LRBA: variants seen among roughly 807,000 people sequenced by gnomAD.
LRBA encodes the protein lipopolysaccharide-responsive and beige-like anchor protein.
LRBA carries 176 observed loss-of-function variants against 330.0 expected under a neutral mutation model. That is an observed-to-expected ratio of 0.53 (90% confidence interval 0.47 to 0.60). The LOEUF (loss-of-function observed/expected upper bound fraction) is 0.60. Ranked by LOEUF, LRBA falls within the 20% of genes least tolerant of loss-of-function variation. The probability of loss-of-function intolerance (pLI) is 0.00; values close to 1 mark genes in which losing one functional copy is unlikely to be tolerated. For synonymous variants in LRBA, 1,230 were observed against 1,193.0 expected (o/e 1.03, Z -0.64); for missense variants, 3,259 against 3,444.8 (o/e 0.95, Z 1.35).
intron 2 of LRBA, among the ~76,000 whole-genome samples, chr4:150,934,111 A>T: frequency 6.6e-6 from 1 of 152,236 alleles, no homozygotes. Context: ...TATTAATACA[A>T]ACGTTTGGGA....
intron 47 of LRBA, among the ~76,000 whole-genome samples, chr4:150,403,069 A>ACTT (rs1258924860): frequency 6.6e-6 from 1 of 152,250 alleles, no homozygotes; most frequent in Non-Finnish European, 1.5e-5. Flanking sequence ...GCAGTCATTT[A>ACTT]TCGGGTAACC....
At chr4:150,933,985 C>A (rs1307775712) in intron 2 of LRBA, among the ~76,000 whole-genome samples, 1 of 151,728 alleles carries the variant, frequency 6.6e-6, no homozygotes, top group Non-Finnish European at 1.5e-5. Flanking sequence ...GATTGTGCCA[C>A]TGCACTCCAG....
chr4:150,705,695 A>G (rs1455305981), intron 36 of LRBA, among the ~76,000 whole-genome samples: 1 of 152,072 alleles, frequency 6.6e-6, no homozygotes, highest in African/African-American at 2.4e-5. Flanking sequence ...AAAGTATACT[A>G]TGAATATCAA....
intron 40 of LRBA, among the ~76,000 whole-genome samples, chr4:150,508,240 A>AGGG (rs34288480): frequency 6.3e-4 from 41 of 64,960 alleles, no homozygotes; most frequent in South Asian, 4.2e-3. Flanking sequence ...TTAAAAAAAA[A>AGGG]GGGGGGGGGG....
At chr4:150,331,741 A>C (rs1734029943) in intron 48 of LRBA, among the ~76,000 whole-genome samples, 1 of 152,188 alleles carries the variant, frequency 6.6e-6, no homozygotes, top group Admixed American at 6.5e-5. Context: ...TCAGACTTGC[A>C]AGGAGATGTT....
At chr4:150,403,275 T>C (rs17504421) in intron 47 of LRBA, among the ~76,000 whole-genome samples, 4,194 of 152,180 alleles carry the variant, frequency 0.028, 112 homozygotes, top group Admixed American at 0.076. Context: ...AAAGCAATGG[T>C]GGTGGCAAGG....
rs34280757 is a variant in LRBA at position 150,864,644 on chromosome 4, C to CTTTT, written c.2766+3023_2766+3026dup. Among the ~76,000 whole-genome samples, 147 of 118,424 alleles carry CTTTT rather than the reference C, an allele frequency of 1.2e-3. 11 individuals carry two copies. Among genetic ancestry groups the CTTTT allele is most frequent in the African/African-American group, 4.4e-3 (140 of 31,994 alleles). 77.7% of individuals were successfully genotyped at this position (118,424 alleles called of 152,430 possible). ...TGAAAAGCTCTCATGGGCCCACGTT[C>CTTTT]TTTTTTTTTTTTTTTTTTTTGAGAC... On this transcript the variant is annotated intron_variant, in intron 22 of 56. Transcript: ENST00000651943.
At chr4:150,517,548 T>TG (rs1762482448) in intron 40 of LRBA, among the ~76,000 whole-genome samples, 1 of 151,840 alleles carries the variant, frequency 6.6e-6, no homozygotes, top group Non-Finnish European at 1.5e-5. Context: ...GAAGGTGTTC[T>TG]GGGGGATAGA....
chr4:150,398,893 C>G (rs1188266894), intron 47 of LRBA, among the ~76,000 whole-genome samples: 2 of 152,100 alleles, frequency 1.3e-5, no homozygotes, highest in Non-Finnish European at 2.9e-5. Context: ...TCCCAGAGTG[C>G]CGGGATTTAC....
At chr4:150,707,161 G>A (rs1388460166) in intron 36 of LRBA, among the ~76,000 whole-genome samples, 1 of 151,492 alleles carries the variant, frequency 6.6e-6, no homozygotes, top group Non-Finnish European at 1.5e-5. Flanking sequence ...AAGGATAAGG[G>A]GTGGAAGGCA....
intron 40 of LRBA, among the ~76,000 whole-genome samples, chr4:150,511,357 T>C (rs1037857941): frequency 1.3e-5 from 2 of 152,206 alleles, no homozygotes; most frequent in African/African-American, 2.4e-5. Flanking sequence ...CTTGACTCTA[T>C]CTCCCTTCTG....
intron 40 of LRBA, among the ~76,000 whole-genome samples, chr4:150,561,246 C>T (rs1561354982): frequency 6.6e-6 from 1 of 152,020 alleles, no homozygotes; most frequent in South Asian, 2.1e-4. Context: ...CAAATGAGAA[C>T]TTTTTCTAAA....
chr4:150,583,005 G>A lies in LRBA; in HGVS notation c.6330+5043C>T. On this transcript the variant is annotated intron_variant, in intron 40 of 56. Coordinates refer to ENST00000651943, the MANE Select transcript of LRBA (RefSeq NM_001364905.1). This position sits in a 1 kb window ranked among gnomAD's most constrained non-coding sequence, Gnocchi z 9.8. ...CCTCAACGTATTGCGAGACGCCGGT[G>A]TATAGCCCGGACCTGTGCCCCAACA... 6.4e-7 allele frequency: 1 copy of A among 1,557,246 alleles called. No homozygotes were observed. Among genetic ancestry groups the A allele is most frequent in the Non-Finnish European group, 8.7e-7 (1 of 1,151,332 alleles).
At chr4:150,421,864 T>C (rs1748844636) in intron 46 of LRBA, among the ~76,000 whole-genome samples, 1 of 151,954 alleles carries the variant, frequency 6.6e-6, no homozygotes, top group Non-Finnish European at 1.5e-5. Context: ...TCTATTCTCA[T>C]CCCTGGATCC....
At chr4:150,444,030 T>C (rs1287718012) in intron 44 of LRBA, among the ~76,000 whole-genome samples, 1 of 151,434 alleles carries the variant, frequency 6.6e-6, no homozygotes, top group African/African-American at 2.4e-5. Flanking sequence ...AAAATACTAT[T>C]AAAGTTTTTA....
At chr4:150,772,381 A>G (rs750542915) in intron 34 of LRBA, among the ~76,000 whole-genome samples, 1 of 152,150 alleles carries the variant, frequency 6.6e-6, no homozygotes, top group Non-Finnish European at 1.5e-5. Context: ...ACTGAGGACC[A>G]TAGGATATTT....
intron 30 of LRBA, among the ~76,000 whole-genome samples, chr4:150,826,385 AGGAAGAGATAG>A (rs1746285144): frequency 6.6e-6 from 1 of 152,208 alleles, no homozygotes; most frequent in Non-Finnish European, 1.5e-5. Flanking sequence ...GATTTATGGC[AGGAAGAGATAG>A]GCTAACTCTA....
chr4:150,518,421 A>G (rs1762586595), intron 40 of LRBA, among the ~76,000 whole-genome samples: 2 of 152,204 alleles, frequency 1.3e-5, no homozygotes, highest in South Asian at 4.1e-4. Flanking sequence ...TCACCACTGT[A>G]ACTAAAACTA....
chr4:150,883,804 A>G (rs982553219), intron 17 of LRBA, among the ~76,000 whole-genome samples: 6 of 152,200 alleles, frequency 3.9e-5, no homozygotes, highest in African/African-American at 4.8e-5. Context: ...TCACATTTCT[A>G]TATACTAGTC....
Sources: gnomAD v4.1 joint callset for allele counts (sites outside exome capture counted in the v4.1 genomes callset) on GRCh38, gnomAD v4.1.1 for gene constraint, Gnocchi (gnomAD v3.1) non-coding constraint, MANE v1.5 for transcripts, NCBI Gene and HGNC (gene_info 2026-07-23, HGNC 2026-07-21) for gene names.